PDGFC: variants seen among roughly 807,000 people sequenced by gnomAD.
PDGFC encodes platelet derived growth factor C, also known as platelet-derived growth factor C.
A neutral mutation model predicts 35.5 loss-of-function variants in PDGFC; 12 were observed. That is an observed-to-expected ratio of 0.34 (90% CI 0.22 to 0.55). The LOEUF (loss-of-function observed/expected upper bound fraction) is 0.55, where lower values mean the gene tolerates loss of function less well. Among genes scored for constraint, PDGFC ranks in the 20% least tolerant of loss-of-function variants. PDGFC has a pLI of 0.91. For synonymous variants in PDGFC, 159 were observed against 148.8 expected, an observed-to-expected ratio of 1.07 and a Z score of -0.50; for missense variants, 322 against 412.4, an observed-to-expected ratio of 0.78 and a Z score of 1.90.
At chr4:156,862,184 A>ATAT (rs947926739) in intron 1 of PDGFC, among the ~76,000 whole-genome samples, 1 of 152,236 alleles carries the variant, frequency 6.6e-6, no homozygotes, top group African/African-American at 2.4e-5. Flanking sequence ...AGGTGCAACC[A>ATAT]TTTTATAGAA....
At chr4:156,794,977 C>A (rs113063027) in intron 3 of PDGFC, among the ~76,000 whole-genome samples, 9,756 of 152,172 alleles carry the variant, frequency 0.064, 413 homozygotes, top group Middle Eastern at 0.11. Flanking sequence ...CCATCGCTGA[C>A]CTGGTTTAAC....
intron 1 of PDGFC, chr4:156,876,471 A>T (rs1730118954): frequency 6.6e-6 from 1 of 152,132 alleles, no homozygotes; most frequent in Admixed American, 6.6e-5. Context: ...CTTCCAATAC[A>T]CTCTGAAACA....
At chr4:156,783,042 A>G (rs987450338) in intron 3 of PDGFC, among the ~76,000 whole-genome samples, 4 of 152,210 alleles carry the variant, frequency 2.6e-5, no homozygotes, top group African/African-American at 9.6e-5. Flanking sequence ...GATACAAAGA[A>G]GAGATCAAAG....
chr4:156,906,837 T>C (rs1730926274), intron 1 of PDGFC, among the ~76,000 whole-genome samples: 1 of 152,154 alleles, frequency 6.6e-6, no homozygotes. Context: ...TATCTGATAT[T>C]CTTTAATTTT....
intron 3 of PDGFC, among the ~76,000 whole-genome samples, chr4:156,788,574 A>G (rs890377605): frequency 7.2e-5 from 11 of 152,184 alleles, no homozygotes; most frequent in African/African-American, 2.7e-4. Flanking sequence ...TCAAATCCGA[A>G]TTTTAATCAT....
At chr4:156,895,363 A>G (rs941490494) in intron 1 of PDGFC, among the ~76,000 whole-genome samples, 1 of 152,170 alleles carries the variant, frequency 6.6e-6, no homozygotes, top group African/African-American at 2.4e-5. Flanking sequence ...AGCTGGGAGC[A>G]GTGGCTCATA....
At chr4:156,862,405 T>C (rs1729734346) in intron 1 of PDGFC, among the ~76,000 whole-genome samples, 1 of 152,132 alleles carries the variant, frequency 6.6e-6, no homozygotes, top group African/African-American at 2.4e-5. Context: ...GAGAATAAAC[T>C]GAAGAACATT....
At chr4:156,892,138 C>T (rs1237195820) in intron 1 of PDGFC, among the ~76,000 whole-genome samples, 1 of 152,040 alleles carries the variant, frequency 6.6e-6, no homozygotes, top group African/African-American at 2.4e-5. Flanking sequence ...ATTAAAATAC[C>T]TAATTTTTAT....
At chr4:156,873,033 G>C (rs1338536635) in intron 1 of PDGFC, among the ~76,000 whole-genome samples, 1 of 152,096 alleles carries the variant, frequency 6.6e-6, no homozygotes, top group Non-Finnish European at 1.5e-5. Flanking sequence ...AGGAGACTGA[G>C]GGCAGAAGGA....
In PDGFC at chr4:156,835,549, G is replaced by T. The variant is rs1042017452; in HGVS notation, c.314+14672C>A. Reference sequence around the variant, plus strand: ...AACCAGATCTTCTAGTGCTAGAAGGGATTTGAATCTTCATCTGGAAGTCAA... The same window carrying T: ...AACCAGATCTTCTAGTGCTAGAAGGTATTTGAATCTTCATCTGGAAGTCAA... On this transcript the variant is annotated intron_variant, in intron 2 of 5. Coordinates refer to ENST00000502773, the MANE Select transcript of PDGFC (RefSeq NM_016205.3). Among the ~76,000 whole-genome samples, 214 of 152,268 alleles carry T rather than the reference G, an allele frequency of 1.4e-3. 2 individuals are homozygous for T. The highest frequency in any genetic ancestry group is 1.5e-4 in the Non-Finnish European group (10 of 68,004).
chr4:156,895,868 G>A (rs1460172572), intron 1 of PDGFC, among the ~76,000 whole-genome samples: 1 of 152,110 alleles, frequency 6.6e-6, no homozygotes, highest in Non-Finnish European at 1.5e-5. Context: ...AGTGAGAGTA[G>A]CTGAGTGTTG....
chr4:156,789,505 T>C (rs1470979899), intron 3 of PDGFC, among the ~76,000 whole-genome samples: 2 of 152,158 alleles, frequency 1.3e-5, no homozygotes, highest in African/African-American at 4.8e-5. Context: ...TATGAACTTT[T>C]CTCAAGATCT....
intron 1 of PDGFC, among the ~76,000 whole-genome samples, chr4:156,903,522 A>G (rs1730844197): frequency 6.6e-6 from 1 of 152,062 alleles, no homozygotes; most frequent in Admixed American, 6.5e-5. Flanking sequence ...TTCCCCTATG[A>G]AAATTAGAAA....
chr4:156,859,851 C>T (rs540239294), intron 1 of PDGFC, among the ~76,000 whole-genome samples: 3 of 152,080 alleles, frequency 2.0e-5, no homozygotes, highest in African/African-American at 7.2e-5. Context: ...TGCTGTTATT[C>T]CACCTCAGTG....
chr4:156,810,693 AAG>A, intron 3 of PDGFC, 142 bp downstream of exon 3: 1 of 606,192 alleles, frequency 1.6e-6, no homozygotes. Flanking sequence ...CTTGGCATGT[AAG>A]AGTTTTTATT....
rs115908177 is a variant in PDGFC at position 156,804,130 on chromosome 4, A to C, written c.495+6707T>G. Among the ~76,000 whole-genome samples, 367 of 152,220 alleles carry C rather than the reference A, an allele frequency of 2.4e-3. 2 individuals are homozygous for C. The highest frequency in any genetic ancestry group is 4.3e-3 in the Non-Finnish European group (289 of 67,970). Reference sequence around the variant, plus strand: ...TATTAAACATGTGTGCAGAGTTTCTAATCTATTCATATAAAATTCATTTGT... The same window carrying C: ...TATTAAACATGTGTGCAGAGTTTCTCATCTATTCATATAAAATTCATTTGT... On this transcript the variant is annotated intron_variant, in intron 3 of 5. Transcript: ENST00000502773.
At chr4:156,897,397 T>A (rs1397923226) in intron 1 of PDGFC, among the ~76,000 whole-genome samples, 1 of 140,624 alleles carries the variant, frequency 7.1e-6, no homozygotes, top group Non-Finnish European at 1.6e-5. Flanking sequence ...AAGCATTATT[T>A]CGAACTCAAC....
At chr4:156,946,474 G>T (rs1731951170) in intron 1 of PDGFC, among the ~76,000 whole-genome samples, 1 of 152,026 alleles carries the variant, frequency 6.6e-6, no homozygotes, top group Non-Finnish European at 1.5e-5. Context: ...GATGAAAAAT[G>T]GCCTTGGTAT....
At chr4:156,905,023 C>T (rs1730880497) in intron 1 of PDGFC, among the ~76,000 whole-genome samples, 1 of 152,058 alleles carries the variant, frequency 6.6e-6, no homozygotes, top group Admixed American at 6.5e-5. Context: ...GGAACACTTG[C>T]TTAAATTCCT....
Sources: gnomAD v4.1 joint callset for allele counts (sites outside exome capture counted in the v4.1 genomes callset) on GRCh38, gnomAD v4.1.1 for gene constraint, MANE v1.5 for transcripts, NCBI Gene and HGNC (gene_info 2026-07-23, HGNC 2026-07-21) for gene names.